Variants in DAO observed in about 807,000 individuals in gnomAD.
DAO encodes the protein D-amino acid oxidase, also known as D-amino-acid oxidase.
A neutral mutation model predicts 50.1 loss-of-function variants in DAO; 51 were observed. That is an observed-to-expected ratio of 1.02 (90% CI 0.81 to 1.29). DAO has a LOEUF of 1.29. Ranked by LOEUF, DAO falls within the 50% of genes most tolerant of loss-of-function variation. DAO has a pLI of 0.00. For missense variants in DAO, 436 were observed against 439.4 expected (o/e 0.99, Z 0.07); for synonymous variants, 160 against 166.2 (o/e 0.96, Z 0.29).
At chr12:108,887,162 C>A (rs911692679) in intron 2 of DAO, among the ~76,000 whole-genome samples, 3 of 152,172 alleles carry the variant, frequency 2.0e-5, no homozygotes, top group Non-Finnish European at 4.4e-5. Flanking sequence ...AAGGACTTCA[C>A]TGAAACTCAT....
chr12:108,885,149 C>T lies in DAO; in HGVS notation c.143C>T (p.Ala48Val). 1 of 1,613,480 alleles carries T rather than the reference C, an allele frequency of 6.2e-7. No individual in the cohort carries two copies. The highest frequency in any genetic ancestry group is 8.5e-7 in the Non-Finnish European group (1 of 1,179,560). Residue 48 changes from alanine to valine, a missense_variant, in exon 2 of 11, where the codon GCT (alanine) becomes GTT (valine). Physicochemically the swap from Ala to Val is moderately conservative, Grantham distance 64. Coordinates refer to ENST00000228476, the MANE Select transcript of DAO (RefSeq NM_001917.5). ...RFTPLTTTDV[A>V]AGLWQPYLSD... ...ACCCCACTCACCACCACCGACGTGG[C>T]TGCCGGCCTCTGGCAGCCCTACCTT... is the stretch of plus-strand genomic sequence containing the variant.
intron 9 of DAO, 62 bp downstream of exon 9, chr12:108,898,858 AC>A (rs1290302013): frequency 1.8e-6 from 2 of 1,085,774 alleles, no homozygotes; most frequent in Non-Finnish European, 2.8e-6. Context: ...TAATGAGGAC[AC>A]TTCAGGACGG....
intron 1 of DAO, among the ~76,000 whole-genome samples, chr12:108,881,624 G>A (rs936008124): frequency 3.2e-5 from 1 of 30,902 alleles, no homozygotes; most frequent in African/African-American, 1.3e-4. Context: ...TTTTTTTTTT[G>A]ACAGAGTTTC....
intron 6 of DAO, 110 bp downstream of exon 6, chr12:108,893,146 C>A (rs2039510529): frequency 3.2e-6 from 3 of 934,896 alleles, no homozygotes; most frequent in African/African-American, 1.6e-5. Flanking sequence ...TCCCCACAGG[C>A]CTGCCTCAGA....
chr12:108,896,457 G>GAAAAAAAAAAAAAAAA (rs2039558921), intron 7 of DAO, among the ~76,000 whole-genome samples: 1 of 143,488 alleles, frequency 7.0e-6, no homozygotes, highest in African/African-American at 2.7e-5. Flanking sequence ...AGGTTTGAAG[G>GAAAAAAAAAAAAAAAA]AAAAAGGAAT....
chr12:108,892,624 G>A (rs1452311168), intron 5 of DAO, among the ~76,000 whole-genome samples: 2 of 152,128 alleles, frequency 1.3e-5, no homozygotes, highest in African/African-American at 4.8e-5. Flanking sequence ...GAATCTCATC[G>A]CCTTTGCTGT....
rs553381244 is a variant in DAO at position 108,900,830 on chromosome 12, T to C, written c.*295T>C. 5.4e-5 allele frequency: 20 copies of C among 371,370 alleles called. No individual in the cohort carries two copies. In the East Asian group the frequency reaches 1.3e-3, roughly 24 times the overall value. The allele number at this position is 371,370 out of a possible 1,614,324, so 23.0% of individuals were successfully genotyped here. A position where few individuals can be genotyped will look rare whatever the true frequency, so the allele number is the denominator to read the frequency against. ...AGCTCAGAAAATCAAAGAGGCCAAC[T>C]GCCCAGAGCCACAGAAAATGGAGGA... On this transcript the variant is annotated 3_prime_UTR_variant, in exon 11 of 11. Coordinates refer to ENST00000228476, the MANE Select transcript of DAO (RefSeq NM_001917.5).
intron 4 of DAO, among the ~76,000 whole-genome samples, chr12:108,889,774 T>A (rs1566036603): frequency 6.6e-6 from 1 of 152,138 alleles, no homozygotes; most frequent in Non-Finnish European, 1.5e-5. Flanking sequence ...AGAAGCTCCA[T>A]ATCACCATAT....
At chr12:108,896,216 G>A (rs2039552962) in intron 7 of DAO, among the ~76,000 whole-genome samples, 1 of 151,860 alleles carries the variant, frequency 6.6e-6, no homozygotes, top group Non-Finnish European at 1.5e-5. Flanking sequence ...GAGGTCAGGA[G>A]TTCGAGACCA....
At chr12:108,886,999 C>T (rs1252083226) in intron 2 of DAO, among the ~76,000 whole-genome samples, 8 of 152,104 alleles carry the variant, frequency 5.3e-5, no homozygotes, top group Non-Finnish European at 8.8e-5. Context: ...CATTTAGCTG[C>T]GAGAGGGTCT....
intron 4 of DAO, 133 bp from the exon 5 acceptor site, chr12:108,890,075 G>T: frequency 1.3e-6 from 1 of 785,730 alleles, no homozygotes. Flanking sequence ...GTCCCCCCTT[G>T]AACTTCACGT....
chr12:108,898,522 G>A (rs545192330), intron 8 of DAO, 157 bp from the exon 9 acceptor site: 29 of 731,552 alleles, frequency 4.0e-5, no homozygotes, highest in Admixed American at 2.5e-4. Context: ...AAGTGGTGAT[G>A]GAAGAGTTCG....
chr12:108,899,496 A>G, intron 10 of DAO, 21 bp downstream of exon 10: 1 of 1,594,756 alleles, frequency 6.3e-7, no homozygotes. Context: ...ATGGCAAGGA[A>G]AGTAATGCCC....
chr12:108,900,716 T>G lies in DAO; in HGVS notation c.*181T>G. The G allele has an allele frequency of 1.4e-6, 1 of 691,832 alleles. No individual in the cohort carries two copies. Among genetic ancestry groups the G allele is most frequent in the South Asian group, 1.8e-5 (1 of 55,460 alleles). The allele number at this position is 691,832 out of a possible 1,614,324, so 42.9% of individuals were successfully genotyped here. A position where few individuals can be genotyped will look rare whatever the true frequency, so the allele number is the denominator to read the frequency against. On this transcript the variant is annotated 3_prime_UTR_variant, in exon 11 of 11. Transcript: ENST00000228476. ...GGTTCAGCCCAACATGGGGCCCCTCTCATCACTGAAATCCCTCTACCTTCT... is the reference window on the plus strand; with the variant it reads ...GGTTCAGCCCAACATGGGGCCCCTCGCATCACTGAAATCCCTCTACCTTCT...
chr12:108,898,744 A>G lies in DAO; in HGVS notation c.761A>G (p.Gln254Arg). The G allele has an allele frequency of 6.2e-7, 1 of 1,614,152 alleles. No individual in the cohort carries two copies. The highest frequency in any genetic ancestry group is 8.5e-7 in the Non-Finnish European group (1 of 1,179,996). Residue 254 changes from glutamine (Q) to arginine (R), a missense_variant, in exon 9 of 11, where the codon CAG (glutamine) becomes CGG (arginine). Transcript: ENST00000228476. ...AACTGGAGTGAACTAAACAATATCC[A>G]GGACCACAACACCATTTGGGAAGGC... ...LGNWSELNNI[Q>R]DHNTIWEGCC...
In DAO at chr12:108,899,550, A is replaced by G. The variant is rs145474156; in HGVS notation, c.912+75A>G. The G allele has an allele frequency of 8.8e-4, 1,112 of 1,262,830 alleles. 11 individuals are homozygous for G. The South Asian group carries it at 9.7e-3, about 11-fold the overall frequency. The allele number at this position is 1,262,830 out of a possible 1,614,324, so 78.2% of individuals were successfully genotyped here. A position where few individuals can be genotyped will look rare whatever the true frequency, so the allele number is the denominator to read the frequency against. On this transcript the variant is annotated intron_variant, in intron 10 of 10. Transcript: ENST00000228476. ...GCTCTGGCATTTTCAGGGAACAGTC[A>G]TGTCTGATCTCAAGTTCCACACAGG...
At chr12:108,899,185 G>A (rs956366733) in intron 9 of DAO, among the ~76,000 whole-genome samples, 192 bp from the exon 10 acceptor site, 2 of 152,086 alleles carry the variant, frequency 1.3e-5, no homozygotes, top group African/African-American at 4.8e-5. Flanking sequence ...TTGGTGGAAA[G>A]GTGGAAGCAG....
In DAO at chr12:108,896,419, C is replaced by CAAAAAAAAAAAAAAAAAAAAAAAA. The variant is rs386377704; in HGVS notation, c.613-564_613-563insAAAAAAAAAAAAAAAAAAAAAAAA. ...GCCTGGCAACAGAGCGAGGCTGTCT[C>CAAAAAAAAAAAAAAAAAAAAAAAA]AAAAAAAAAAAAAAAAAAAAAAATT... On this transcript the variant is annotated intron_variant, in intron 7 of 10. Transcript: ENST00000228476. Among the ~76,000 whole-genome samples the CAAAAAAAAAAAAAAAAAAAAAAAA allele has an allele frequency of 1.2e-4, 7 of 59,544 alleles. 1 individual carries two copies. The highest frequency in any genetic ancestry group is 3.8e-4 in the African/African-American group (6 of 15,726). The allele number at this position is 59,544 out of a possible 152,430, so 39.1% of individuals were successfully genotyped here. A position where few individuals can be genotyped will look rare whatever the true frequency, so the allele number is the denominator to read the frequency against.
At chr12:108,891,054 C>G (rs1441492832) in intron 5 of DAO, among the ~76,000 whole-genome samples, 8 of 152,208 alleles carry the variant, frequency 5.3e-5, no homozygotes, top group Non-Finnish European at 1.2e-4. Flanking sequence ...ATCTCCTGAC[C>G]TCGTAATCTG....
Sources: gnomAD v4.1 joint callset for allele counts (sites outside exome capture counted in the v4.1 genomes callset) on GRCh38, gnomAD v4.1.1 for gene constraint, MANE v1.5 for transcripts, NCBI Gene and HGNC (gene_info 2026-07-23, HGNC 2026-07-21) for gene names.